CFAP70: variants seen among roughly 807,000 people sequenced by gnomAD.
CFAP70 encodes the protein cilia- and flagella-associated protein 70.
In CFAP70, 81 loss-of-function variants were observed where a neutral mutation model predicts 137.6. That is an observed-to-expected ratio of 0.59 (90% CI 0.49 to 0.71). The LOEUF (loss-of-function observed/expected upper bound fraction) is 0.71, where lower values mean the gene tolerates loss of function less well. Among genes scored for constraint, CFAP70 ranks in the 30% least tolerant of loss-of-function variants. CFAP70 has a pLI of 0.00. For missense variants in CFAP70, 976 were observed against 1,226.7 expected (o/e 0.80, Z 3.05); for synonymous variants, 382 against 423.6 (o/e 0.90, Z 1.20).
At chr10:73,256,102 G>A (rs2044465009) in intron 26 of CFAP70, among the ~76,000 whole-genome samples, 1 of 152,064 alleles carries the variant, frequency 6.6e-6, no homozygotes, top group Non-Finnish European at 1.5e-5. Flanking sequence ...GGCAAAACCA[G>A]AATCATAATT....
At chr10:73,284,113 G>C (rs1037808091) in intron 19 of CFAP70, among the ~76,000 whole-genome samples, 1 of 152,166 alleles carries the variant, frequency 6.6e-6, no homozygotes, top group Non-Finnish European at 1.5e-5. Flanking sequence ...GTCAAGATTT[G>C]ACAGGGCTAG....
At chr10:73,361,162 C>G (rs1477233447), upstream of CFAP70, among the ~76,000 whole-genome samples, 1 of 152,012 alleles carries the variant, frequency 6.6e-6, no homozygotes, top group Non-Finnish European at 1.5e-5. Context: ...CCACGCCCGG[C>G]TAATTTTTGT....
chr10:73,332,610 C>T (rs2052231314), intron 7 of CFAP70, among the ~76,000 whole-genome samples: 1 of 152,214 alleles, frequency 6.6e-6, no homozygotes, highest in Non-Finnish European at 1.5e-5. Context: ...TTTGCCACCA[C>T]ATCAACAGAG....
intron 24 of CFAP70, among the ~76,000 whole-genome samples, chr10:73,270,528 TC>T (rs1564758796): frequency 3.1e-5 from 1 of 32,100 alleles, no homozygotes; most frequent in Non-Finnish European, 5.3e-5. Flanking sequence ...CCCCTCCCCC[TC>T]CCCTCCCCTC....
chr10:73,259,649 T>G (rs2044933535), intron 25 of CFAP70, among the ~76,000 whole-genome samples: 1 of 152,170 alleles, frequency 6.6e-6, no homozygotes, highest in African/African-American at 2.4e-5. Context: ...TTATAAATAT[T>G]GGCAGAATTT....
At chr10:73,277,900 T>C (rs1185288894) in intron 20 of CFAP70, among the ~76,000 whole-genome samples, 2 of 152,124 alleles carry the variant, frequency 1.3e-5, no homozygotes, top group Non-Finnish European at 2.9e-5. Context: ...AATAAAAAGG[T>C]TTAAAAAGGT....
chr10:73,316,487 G>C lies in CFAP70; in HGVS notation c.913-3844C>G, dbSNP rs6480693. On this transcript the variant is annotated intron_variant, in intron 9 of 26. Coordinates refer to ENST00000310715, the Ensembl canonical transcript of CFAP70. ...AGATATATATATATATATAGATATA[G>C]ATATATATATATATATATATATATA... is the stretch of plus-strand genomic sequence containing the variant. 1.6e-4 allele frequency among the ~76,000 whole-genome samples: 16 copies of C among 100,946 alleles called. 1 individual carries two copies. Among genetic ancestry groups the C allele is most frequent in the African/African-American group, 6.7e-4 (15 of 22,382 alleles). 66.2% of individuals were successfully genotyped at this position (100,946 alleles called of 152,430 possible).
chr10:73,265,691 TA>T (rs2045686192), intron 25 of CFAP70, among the ~76,000 whole-genome samples: 1 of 152,242 alleles, frequency 6.6e-6, no homozygotes, highest in South Asian at 2.1e-4. Context: ...CAATTACTTT[TA>T]AATACCATCT....
At position 73,262,264 on chromosome 10, in the gene CFAP70, C is replaced by A. The variant is rs73272327; in HGVS notation, c.3028-5848G>T. On this transcript the variant is annotated intron_variant, in intron 25 of 26. Transcript: ENST00000310715. Reference sequence around the variant, plus strand: ...GCTATTATGAAGAGCCTGATGAAATCTTGTGCCATCCCTCCCAGGATGTGA... The same window carrying A: ...GCTATTATGAAGAGCCTGATGAAATATTGTGCCATCCCTCCCAGGATGTGA... 9.3e-3 allele frequency among the ~76,000 whole-genome samples: 1,409 copies of A among 151,998 alleles called. 14 individuals carry two copies. Among genetic ancestry groups the A allele is most frequent in the Middle Eastern group, 0.055 (16 of 292 alleles).
intron 7 of CFAP70, among the ~76,000 whole-genome samples, chr10:73,335,060 C>CTTTTTTTTTTT (rs547226854): frequency 8.4e-6 from 1 of 118,350 alleles, no homozygotes; most frequent in Non-Finnish European, 1.7e-5. Context: ...TCTTCTTCTT[C>CTTTTTTTTTTT]TTTTTTTTTT....
intron 15 of CFAP70, 107 bp downstream of exon 16, chr10:73,296,935 C>A: frequency 5.9e-6 from 8 of 1,345,096 alleles, no homozygotes; most frequent in South Asian, 1.4e-5. Context: ...TAGCACAGAG[C>A]AGACACTTCA....
chr10:73,277,306 AC>A lies in CFAP70; in HGVS notation c.2453del (p.Gly818ValfsTer16). ...TGAAGATGGTGGTAGTTTGAGAAACACCATAATGAAGGCCGGGATGCAGAAG... is the reference window on the plus strand; with the variant it reads ...TGAAGATGGTGGTAGTTTGAGAAACACATAATGAAGGCCGGGATGCAGAAG... On this transcript the variant is annotated frameshift_variant, in exon 21 of 27. Transcript: ENST00000310715. LOFTEE classifies it high-confidence loss of function. 6.2e-7 allele frequency: 1 copy of A among 1,614,182 alleles called. No individual in the cohort carries two copies. The highest frequency in any genetic ancestry group is 1.3e-5 in the African/African-American group (1 of 75,058).
intron 25 of CFAP70, among the ~76,000 whole-genome samples, chr10:73,264,128 T>C (rs1429712794): frequency 6.6e-6 from 1 of 152,224 alleles, no homozygotes; most frequent in East Asian, 1.9e-4. Context: ...AGTCTTTCTT[T>C]GAACATTTTT....
intron 26 of CFAP70, among the ~76,000 whole-genome samples, chr10:73,255,609 A>G (rs948452397): frequency 1.3e-5 from 2 of 151,618 alleles, no homozygotes; most frequent in South Asian, 2.1e-4. Context: ...TCATGAGCCA[A>G]TCCAGCTCAC....
At chr10:73,358,467 G>A (rs922501278) in intron 1 of CFAP70, among the ~76,000 whole-genome samples, 10 of 152,234 alleles carry the variant, frequency 6.6e-5, no homozygotes, top group African/African-American at 2.4e-4. Context: ...CGCAGAATGA[G>A]GAGGCCTCCG....
At chr10:73,304,895 T>C (rs562863617) in intron 12 of CFAP70, among the ~76,000 whole-genome samples, 5 of 151,384 alleles carry the variant, frequency 3.3e-5, no homozygotes, top group African/African-American at 1.2e-4. Context: ...CAGAACCAAC[T>C]TGTTAGAATG....
intron 25 of CFAP70, among the ~76,000 whole-genome samples, chr10:73,266,582 C>T (rs1188492511): frequency 6.6e-6 from 1 of 152,114 alleles, no homozygotes; most frequent in Non-Finnish European, 1.5e-5. Context: ...TTCACCATTT[C>T]ATATAATAGT....
intron 9 of CFAP70, among the ~76,000 whole-genome samples, chr10:73,318,340 G>A (rs2050568130): frequency 6.6e-6 from 1 of 151,912 alleles, no homozygotes; most frequent in African/African-American, 2.4e-5. Flanking sequence ...CCTTTCCAAT[G>A]TTTTCTATAT....
intron 12 of CFAP70, among the ~76,000 whole-genome samples, 162 bp from the exon 14 acceptor site, chr10:73,299,827 A>G (rs972361194): frequency 5.9e-5 from 9 of 152,168 alleles, no homozygotes; most frequent in Non-Finnish European, 8.8e-5. Context: ...GTAAAACCCT[A>G]GATGTGAACC....
Sources: gnomAD v4.1 joint callset for allele counts (sites outside exome capture counted in the v4.1 genomes callset) on GRCh38, gnomAD v4.1.1 for gene constraint, MANE v1.5 for transcripts, NCBI Gene and HGNC (gene_info 2026-07-23, HGNC 2026-07-21) for gene names.